Variants in TAFA2 observed in about 807,000 individuals in gnomAD.
The protein encoded by TAFA2 is TAFA chemokine like family member 2, also known as chemokine-like protein TAFA-2.
A neutral mutation model predicts 18.8 loss-of-function variants in TAFA2; 7 were observed. The ratio of observed to expected loss-of-function variants is 0.37; its 90% confidence interval spans 0.21 to 0.70. TAFA2 has a LOEUF of 0.70. Among genes scored for constraint, TAFA2 ranks in the 30% least tolerant of loss-of-function variants. TAFA2 has a pLI of 0.53. For synonymous variants in TAFA2, 60 were observed against 54.2 expected, an observed-to-expected ratio of 1.11 and a Z score of -0.47; for missense variants, 122 against 158.1, an observed-to-expected ratio of 0.77 and a Z score of 1.23.
intron 1 of TAFA2, among the ~76,000 whole-genome samples, chr12:62,240,499 A>G (rs1026721631): frequency 2.0e-5 from 3 of 152,012 alleles, no homozygotes; most frequent in African/African-American, 4.8e-5. Context: ...TATAATTGTA[A>G]TGCTCACATA....
At chr12:62,144,395 G>A (rs935155091) in intron 1 of TAFA2, among the ~76,000 whole-genome samples, 1 of 151,922 alleles carries the variant, frequency 6.6e-6, no homozygotes, top group Non-Finnish European at 1.5e-5. Context: ...TGTCGCAGGA[G>A]AGCTCAAAAA....
intron 1 of TAFA2, among the ~76,000 whole-genome samples, chr12:62,254,809 T>G (rs1399697518): frequency 6.6e-6 from 1 of 152,240 alleles, no homozygotes; most frequent in Non-Finnish European, 1.5e-5. Flanking sequence ...AGATACATTC[T>G]TGAAGACATG....
At chr12:62,252,918 AC>A (rs2062921535) in intron 1 of TAFA2, 2 of 152,184 alleles carry the variant, frequency 1.3e-5, no homozygotes, top group Admixed American at 6.5e-5. Flanking sequence ...GAAAATCCAT[AC>A]CTGAAATATG....
At chr12:61,951,228 G>T (rs558870012) in intron 1 of TAFA2, among the ~76,000 whole-genome samples, 4 of 152,288 alleles carry the variant, frequency 2.6e-5, no homozygotes, top group African/African-American at 9.6e-5. Context: ...TTCCCCAACA[G>T]CTTCATATAA....
intron 1 of TAFA2, among the ~76,000 whole-genome samples, chr12:62,171,807 A>G (rs949701478): frequency 6.6e-6 from 1 of 152,214 alleles, no homozygotes; most frequent in African/African-American, 2.4e-5. Flanking sequence ...CATCTAGAAA[A>G]AGTATACCCC....
chr12:62,217,970 T>G (rs570468060), intron 1 of TAFA2, among the ~76,000 whole-genome samples: 5,853 of 45,904 alleles, frequency 0.13, 128 homozygotes, highest in Non-Finnish European at 0.15. Context: ...ATGTATGTAT[T>G]TATTTATTTA....
chr12:62,059,127 A>G (rs368743171), intron 1 of TAFA2, among the ~76,000 whole-genome samples: 2 of 83,198 alleles, frequency 2.4e-5, no homozygotes, highest in African/African-American at 9.6e-5. Flanking sequence ...TAATATATAT[A>G]TATGTGTGTA....
chr12:61,815,742 GAGAC>G (rs1360515858), intron 2 of TAFA2, among the ~76,000 whole-genome samples: 1 of 151,216 alleles, frequency 6.6e-6, no homozygotes, highest in Non-Finnish European at 1.5e-5. Context: ...ATGAATTTGA[GAGAC>G]AGAATTTGAG....
At chr12:61,808,721 AT>A (rs1357018309) in intron 2 of TAFA2, among the ~76,000 whole-genome samples, 1 of 151,458 alleles carries the variant, frequency 6.6e-6, no homozygotes, top group East Asian at 1.9e-4. Context: ...GAAAGTAGTA[AT>A]GCAAGATGGG....
chr12:61,832,285 A>G (rs1470740428), intron 2 of TAFA2, among the ~76,000 whole-genome samples: 3 of 152,036 alleles, frequency 2.0e-5, no homozygotes, highest in African/African-American at 7.2e-5. Flanking sequence ...CACCTGCCAG[A>G]TGTTCCCTCT....
intron 1 of TAFA2, among the ~76,000 whole-genome samples, chr12:62,141,269 TTCTG>T (rs2062237096): frequency 6.6e-6 from 1 of 152,210 alleles, no homozygotes; most frequent in Admixed American, 6.5e-5. Flanking sequence ...AGCCTGTGTG[TTCTG>T]TCTATGTAGA....
intron 1 of TAFA2, among the ~76,000 whole-genome samples, chr12:61,885,758 A>G (rs1425000194): frequency 2.0e-5 from 3 of 152,260 alleles, no homozygotes; most frequent in Non-Finnish European, 4.4e-5. Context: ...ATTAGAACTT[A>G]TAAGCATTGC....
At chr12:61,902,970 A>G (rs1876175113) in intron 1 of TAFA2, among the ~76,000 whole-genome samples, 1 of 152,058 alleles carries the variant, frequency 6.6e-6, no homozygotes, top group Non-Finnish European at 1.5e-5. Context: ...CCATCATTTT[A>G]AATATTCTTT....
chr12:61,708,379 A>C lies in TAFA2; in HGVS notation c.*2027T>G, dbSNP rs1869239907. 1 of 151,994 alleles carries C rather than the reference A, an allele frequency of 6.6e-6. No homozygotes were observed. The highest frequency in any genetic ancestry group is 2.4e-5 in the African/African-American group (1 of 41,414). 9.4% of individuals were successfully genotyped at this position (151,994 alleles called of 1,614,324 possible). On this transcript the variant is annotated 3_prime_UTR_variant, in exon 5 of 5. Coordinates refer to ENST00000416284, the MANE Select transcript of TAFA2 (RefSeq NM_178539.5). ...TGAAATTCCATGTTTTTTTTCTATTATATGCATGTATTACACTTGTATATA... is the reference window on the plus strand; with the variant it reads ...TGAAATTCCATGTTTTTTTTCTATTCTATGCATGTATTACACTTGTATATA...
intron 1 of TAFA2, among the ~76,000 whole-genome samples, chr12:61,930,263 A>G (rs980434227): frequency 1.3e-5 from 2 of 152,156 alleles, no homozygotes; most frequent in Non-Finnish European, 2.9e-5. Flanking sequence ...GGACTGCATA[A>G]CCATAAATTG....
intron 1 of TAFA2, among the ~76,000 whole-genome samples, chr12:61,954,436 A>T (rs1878581122): frequency 6.6e-6 from 1 of 152,172 alleles, no homozygotes; most frequent in Non-Finnish European, 1.5e-5. Context: ...TAAAAATATA[A>T]TTTAAAGTTA....
At chr12:61,738,329 A>ACACACACACACAC (rs1555198029) in intron 4 of TAFA2, among the ~76,000 whole-genome samples, 1 of 146,742 alleles carries the variant, frequency 6.8e-6, no homozygotes, top group Non-Finnish European at 1.5e-5. Flanking sequence ...ACACACACAC[A>ACACACACACACAC]AACCTAGCTC....
intron 1 of TAFA2, among the ~76,000 whole-genome samples, chr12:62,060,869 A>G (rs1431645505): frequency 6.6e-6 from 1 of 152,150 alleles, no homozygotes; most frequent in Non-Finnish European, 1.5e-5. Context: ...TAGAATAAGA[A>G]TTAAGAACAT....
intron 2 of TAFA2, among the ~76,000 whole-genome samples, chr12:61,854,321 C>T (rs1873799380): frequency 6.6e-6 from 1 of 151,980 alleles, no homozygotes; most frequent in African/African-American, 2.4e-5. Flanking sequence ...AAAATTATAG[C>T]AGAAAGATAC....
Sources: gnomAD v4.1 joint callset for allele counts (sites outside exome capture counted in the v4.1 genomes callset) on GRCh38, gnomAD v4.1.1 for gene constraint, MANE v1.5 for transcripts, NCBI Gene and HGNC (gene_info 2026-07-23, HGNC 2026-07-21) for gene names.